The following CCDC40 variants were observed in gnomAD, a reference collection of about 807,000 sequenced individuals.
The protein encoded by CCDC40 is coiled-coil domain 40 molecular ruler complex subunit.
Under a neutral mutation model 124.5 loss-of-function variants are expected in CCDC40, and 104 were observed. The ratio of observed to expected loss-of-function variants is 0.84; its 90% CI spans 0.71 to 0.98. CCDC40 has a LOEUF of 0.98. Ranked by LOEUF, CCDC40 falls within the 50% of genes least tolerant of loss-of-function variation. CCDC40 has a pLI of 0.00. For synonymous variants in CCDC40, 580 were observed against 602.9 expected (o/e 0.96, Z 0.56); for missense variants, 1,463 against 1,503.9 (o/e 0.97, Z 0.45).
intron 12 of CCDC40, among the ~76,000 whole-genome samples, chr17:80,082,931 C>A (rs1296420440): frequency 6.6e-6 from 1 of 152,218 alleles, no homozygotes; most frequent in Non-Finnish European, 1.5e-5. Context: ...GTACCCCCGA[C>A]ACGATGTTTG....
chr17:80,062,346 C>G (rs1172130310), intron 9 of CCDC40, among the ~76,000 whole-genome samples: 1 of 151,964 alleles, frequency 6.6e-6, no homozygotes, highest in Non-Finnish European at 1.5e-5. Flanking sequence ...GGTACACGTG[C>G]ACGATGTGCA....
At chr17:80,062,349 G>T (rs2037922894) in intron 9 of CCDC40, among the ~76,000 whole-genome samples, 1 of 151,610 alleles carries the variant, frequency 6.6e-6, no homozygotes. Context: ...ACACGTGCAC[G>T]ATGTGCAGGT....
intron 17 of CCDC40, chr17:80,090,670 G>T (rs894930403): frequency 3.9e-5 from 56 of 1,434,262 alleles, no homozygotes; most frequent in Non-Finnish European, 4.9e-5. Flanking sequence ...CAGCCGCGTT[G>T]TCTCTCCATG....
At chr17:80,054,740 G>A (rs2037693756) in intron 7 of CCDC40, among the ~76,000 whole-genome samples, 1 of 152,182 alleles carries the variant, frequency 6.6e-6, no homozygotes, top group African/African-American at 2.4e-5. Flanking sequence ...TTGGGAGGCC[G>A]AGGCGGGCAG....
intron 1 of CCDC40, chr17:80,037,824 G>C: frequency 5.8e-6 from 2 of 345,826 alleles, no homozygotes; most frequent in Non-Finnish European, 1.1e-5. Flanking sequence ...TTTTGTCCCA[G>C]ACACAAGTTA....
chr17:80,078,951 T>G, intron 10 of CCDC40, among the ~76,000 whole-genome samples: 1 of 145,428 alleles, frequency 6.9e-6, no homozygotes, highest in East Asian at 2.1e-4. Context: ...TTTTTTTTTT[T>G]GAGTCAGAGT....
chr17:80,074,448 G>A (rs933657969), intron 10 of CCDC40, among the ~76,000 whole-genome samples: 2 of 152,208 alleles, frequency 1.3e-5, no homozygotes, highest in African/African-American at 2.4e-5. Flanking sequence ...TCGCGCCACT[G>A]CACTCCAGCC....
chr17:80,045,025 T>C (rs999500944), intron 3 of CCDC40, among the ~76,000 whole-genome samples: 1 of 152,170 alleles, frequency 6.6e-6, no homozygotes, highest in Non-Finnish European at 1.5e-5. Context: ...CTGCGCACCC[T>C]GGAGATGGGT....
At chr17:80,080,617 A>C (rs2038425205) in intron 10 of CCDC40, among the ~76,000 whole-genome samples, 1 of 152,110 alleles carries the variant, frequency 6.6e-6, no homozygotes. Context: ...AAGCTGGACT[A>C]TTTCCTTCCT....
At chr17:80,046,850 A>G (rs2037432816) in intron 3 of CCDC40, among the ~76,000 whole-genome samples, 1 of 151,876 alleles carries the variant, frequency 6.6e-6, no homozygotes, top group Non-Finnish European at 1.5e-5. Context: ...AACTTTATTT[A>G]TTTATTTATT....
Position 80,091,344 on chromosome 17 carries a change from G to C in CCDC40, c.2832+1460G>C, listed in dbSNP as rs866697579. Among the ~76,000 whole-genome samples, 681 of 140,774 alleles carry C rather than the reference G, an allele frequency of 4.8e-3. 3 individuals are homozygous for C. The highest frequency in any genetic ancestry group is 7.8e-3 in the Admixed American group (102 of 13,028). The allele number at this position is 140,774 out of a possible 152,430, so 92.4% of individuals were successfully genotyped here. A position where few individuals can be genotyped will look rare whatever the true frequency, so the allele number is the denominator to read the frequency against. On this transcript the variant is annotated intron_variant, in intron 17 of 19. Coordinates refer to ENST00000397545, the MANE Select transcript of CCDC40 (RefSeq NM_017950.4). The stretch of plus-strand genomic sequence containing the variant: ...ACACACACACACACACACACACACA[G>C]AGAGAGAGAGAGAGAAAGAAAGAGA...
intron 10 of CCDC40, chr17:80,067,488 C>T: frequency 9.3e-7 from 1 of 1,079,812 alleles, no homozygotes; most frequent in Non-Finnish European, 1.4e-6. Context: ...CACCTCTTTG[C>T]TTTTTCCATT....
chr17:80,063,941 C>T (rs976997336), intron 9 of CCDC40, among the ~76,000 whole-genome samples: 1 of 152,058 alleles, frequency 6.6e-6, no homozygotes, highest in African/African-American at 2.4e-5. Context: ...GTACATGTGT[C>T]GAAATATCAC....
At chr17:80,050,485 C>T (rs1367944867) in intron 7 of CCDC40, among the ~76,000 whole-genome samples, 1 of 152,164 alleles carries the variant, frequency 6.6e-6, no homozygotes, top group Non-Finnish European at 1.5e-5. Flanking sequence ...ACTCTGTCAC[C>T]CAGGCTGGAG....
Position 80,065,517 on chromosome 17 carries a change from G to A in CCDC40, c.1473G>A (p.Glu491=). 6.2e-7 allele frequency: 1 copy of A among 1,613,158 alleles called. No individual in the cohort carries two copies. The highest frequency in any genetic ancestry group is 1.1e-5 in the South Asian group (1 of 91,062). ...ACTEIDAISV[E]KRRIMQQWAS... ...CCGAGATCGACGCCATCAGCGTGGA[G>A]AAGAGGCGCATCATGCAGCAATGGG... Residue 491 remains glutamate (E), a synonymous_variant, in exon 10 of 20, where the codon GAG becomes GAA. Transcript: ENST00000397545.
chr17:80,096,135 G>A (rs148958277), intron 18 of CCDC40, among the ~76,000 whole-genome samples: 1 of 152,364 alleles, frequency 6.6e-6, no homozygotes, highest in Non-Finnish European at 1.5e-5. Flanking sequence ...CGTCTGCTGG[G>A]GGGTGGAGGG....
rs1488274091 is a variant in CCDC40, at chr17:80,086,117, A to G, written c.2350A>G (p.Met784Val). Residue 784 changes from methionine (M) to valine (V), a missense_variant, in exon 14 of 20, where the codon ATG becomes GTG. By Grantham distance (21) the Met-to-Val change is conservative. Coordinates refer to ENST00000397545, the MANE Select transcript of CCDC40 (RefSeq NM_017950.4). This position sits in a 1 kb window ranked among gnomAD's most constrained non-coding sequence, Gnocchi z 5.5. ...QVTWLRLQQE[M>V]VKVTQEQEEQ... ...GACCTGGCTGCGCCTGCAGCAGGAG[A>G]TGGTCAAGGTGACACAGGAGCAGGA... 2 of 1,614,068 alleles carry G rather than the reference A, an allele frequency of 1.2e-6. No homozygotes were observed. The highest frequency in any genetic ancestry group is 3.3e-5 in the Admixed American group (2 of 60,026).
At chr17:80,085,011 G>A (rs369919631) in intron 13 of CCDC40, 23 bp downstream of exon 13, 41 of 1,611,792 alleles carry the variant, frequency 2.5e-5, no homozygotes, top group South Asian at 6.6e-5. Context: ...GCAGGGAGAC[G>A]TGGTCCCCGG....
In CCDC40 at chr17:80,045,044, T is replaced by C. The variant is rs1295525173; in HGVS notation, c.553-2235T>C. 2.6e-5 allele frequency among the ~76,000 whole-genome samples: 4 copies of C among 152,192 alleles called. No individual in the cohort carries two copies. The East Asian group carries it at 7.7e-4, about 29-fold the overall frequency. On this transcript the variant is annotated intron_variant, in intron 3 of 19. Transcript: ENST00000397545. ...GCACCCTGGAGATGGGTTTTGACCC[T>C]GGGCTCCCGTTAATGTTGTTGTGGC...
Sources: allele counts gnomAD v4.1 joint callset (sites outside exome capture counted in the v4.1 genomes callset), GRCh38; gene constraint gnomAD v4.1.1; non-coding constraint Gnocchi (gnomAD v3.1); transcripts MANE v1.5; gene names NCBI Gene and HGNC (gene_info 2026-07-23, HGNC 2026-07-21).